The following MAD1L1 variants were observed in gnomAD, a reference collection of about 807,000 sequenced individuals.
MAD1L1 encodes mitotic arrest deficient 1 like 1, also known as mitotic spindle assembly checkpoint protein MAD1.
In MAD1L1, 95 loss-of-function variants were observed where a neutral mutation model predicts 96.9. That is an observed-to-expected ratio of 0.98 (90% CI 0.83 to 1.16). The LOEUF is 1.16. Among genes scored for constraint, MAD1L1 ranks in the 50% most tolerant of loss-of-function variants. The pLI is 0.00. For missense variants in MAD1L1, 1,007 were observed against 954.4 expected (o/e 1.06, Z -0.73); for synonymous variants, 473 against 396.6 (o/e 1.19, Z -2.29).
intron 14 of MAD1L1, among the ~76,000 whole-genome samples, chr7:1,997,827 A>AGGGC (rs906944612): frequency 1.3e-5 from 2 of 152,202 alleles, no homozygotes; most frequent in Non-Finnish European, 2.9e-5. Flanking sequence ...CCTCCTCTGA[A>AGGGC]GGGCTTTGCA....
chr7:2,171,687 T>C (rs921987819), intron 10 of MAD1L1, among the ~76,000 whole-genome samples: 11 of 149,874 alleles, frequency 7.3e-5, no homozygotes, highest in African/African-American at 2.5e-4. Flanking sequence ...ACCTCCGCCA[T>C]GCAAAGTACA....
Position 1,845,000 on chromosome 7 carries a change from GC to G in MAD1L1, c.1999-28773del, listed in dbSNP as rs1428700827. On this transcript the variant is annotated intron_variant, in intron 18 of 18. Transcript: ENST00000265854. ...AGGGGTGCGGGGAGGAGGGGCCTGA[GC>G]CCGAGGCTCCTGGACTCACAGTGGG... Among the ~76,000 whole-genome samples the G allele has an allele frequency of 3.3e-5, 5 of 152,320 alleles. 1 individual carries two copies. The highest frequency in any genetic ancestry group is 1.2e-4 in the African/African-American group (5 of 41,576).
At chr7:1,988,655 C>T (rs778971732) in intron 14 of MAD1L1, among the ~76,000 whole-genome samples, 26 of 152,210 alleles carry the variant, frequency 1.7e-4, no homozygotes, top group Non-Finnish European at 3.1e-4. Context: ...GTGGCCCAGG[C>T]GCACAGCGTG....
chr7:1,898,132 G>C (rs1486500516), intron 18 of MAD1L1, 68 bp downstream of exon 18: 1 of 1,491,108 alleles, frequency 6.7e-7, no homozygotes. Context: ...TGAGGGCTAC[G>C]GTCGGATCTC....
chr7:1,898,082 C>T, intron 18 of MAD1L1, 118 bp downstream of exon 18: 1 of 1,121,512 alleles, frequency 8.9e-7, no homozygotes, highest in Non-Finnish European at 1.3e-6. Context: ...CCGCCCAGCC[C>T]TCCACACCAT....
At chr7:1,922,069 G>C (rs1224593319) in intron 17 of MAD1L1, among the ~76,000 whole-genome samples, 1 of 152,242 alleles carries the variant, frequency 6.6e-6, no homozygotes, top group Non-Finnish European at 1.5e-5. Context: ...CTCTCCCTGA[G>C]GCAGCTCTGA....
chr7:1,909,125 C>A (rs932937508), intron 17 of MAD1L1, among the ~76,000 whole-genome samples: 1 of 152,238 alleles, frequency 6.6e-6, no homozygotes, highest in African/African-American at 2.4e-5. Flanking sequence ...AGCCCGACAC[C>A]GGCGTGGTGT....
intron 16 of MAD1L1, among the ~76,000 whole-genome samples, chr7:1,950,562 T>C (rs1197785284): frequency 1.3e-5 from 2 of 152,098 alleles, no homozygotes; most frequent in Non-Finnish European, 2.9e-5. Flanking sequence ...GTCAGAAGGG[T>C]TGGACAACAG....
chr7:2,153,638 G>A (rs996896685), intron 10 of MAD1L1, among the ~76,000 whole-genome samples: 1 of 152,186 alleles, frequency 6.6e-6, no homozygotes, highest in Non-Finnish European at 1.5e-5. Flanking sequence ...AACCCAGTAT[G>A]GAGATTTCTC....
chr7:2,148,252 C>A (rs771733755), intron 11 of MAD1L1: 2 of 152,464 alleles, frequency 1.3e-5, no homozygotes, highest in Non-Finnish European at 2.9e-5. Context: ...TGAGCTTGAT[C>A]ATCAATGGCA....
At chr7:2,066,806 A>T (rs1784893079) in intron 12 of MAD1L1, among the ~76,000 whole-genome samples, 1 of 152,258 alleles carries the variant, frequency 6.6e-6, no homozygotes, top group African/African-American at 2.4e-5. Flanking sequence ...TGTGGGCAGC[A>T]GCACCAGTGT....
At chr7:2,102,451 TGTC>T in intron 11 of MAD1L1, among the ~76,000 whole-genome samples, 1 of 78,510 alleles carries the variant, frequency 1.3e-5, no homozygotes, top group African/African-American at 4.1e-5. Context: ...CCACTGCTAC[TGTC>T]ACCACTCACC....
intron 10 of MAD1L1, among the ~76,000 whole-genome samples, chr7:2,208,928 A>G (rs1449578470): frequency 1.3e-5 from 2 of 151,886 alleles, no homozygotes; most frequent in Non-Finnish European, 2.9e-5. Flanking sequence ...CACGCCTCGC[A>G]CTGCTGCTAA....
intron 12 of MAD1L1, among the ~76,000 whole-genome samples, chr7:2,059,662 G>A (rs879674334): frequency 6.0e-5 from 9 of 151,006 alleles, no homozygotes; most frequent in Non-Finnish European, 8.9e-5. Flanking sequence ...CATGGCCAGG[G>A]GACAGGAGAG....
chr7:1,884,962 G>A (rs1298376017), intron 18 of MAD1L1, among the ~76,000 whole-genome samples: 2 of 152,212 alleles, frequency 1.3e-5, no homozygotes, highest in Non-Finnish European at 2.9e-5. Context: ...AATAGGCAAA[G>A]TTCATCTCAG....
At chr7:1,901,423 G>A (rs1270578951) in intron 17 of MAD1L1, among the ~76,000 whole-genome samples, 1 of 152,226 alleles carries the variant, frequency 6.6e-6, no homozygotes. Context: ...GACCCCAGAA[G>A]CCAGTGGCAG....
At chr7:1,997,926 G>C (rs554566181) in intron 14 of MAD1L1, among the ~76,000 whole-genome samples, 1 of 152,038 alleles carries the variant, frequency 6.6e-6, no homozygotes, top group Non-Finnish European at 1.5e-5. Flanking sequence ...CCAGGAACAG[G>C]AGCTCAACCC....
intron 17 of MAD1L1, among the ~76,000 whole-genome samples, chr7:1,907,782 C>A (rs1363305525): frequency 6.6e-6 from 1 of 152,266 alleles, no homozygotes; most frequent in Non-Finnish European, 1.5e-5. Flanking sequence ...CGTCAACAAC[C>A]ACTTGGCTGT....
At chr7:2,043,633 G>A (rs147138295) in intron 12 of MAD1L1, among the ~76,000 whole-genome samples, 1,957 of 152,298 alleles carry the variant, frequency 0.013, 31 homozygotes, top group African/African-American at 0.044. Flanking sequence ...GGAGGCACGC[G>A]GAGGGCCTGG....
Sources: allele counts gnomAD v4.1 joint callset (sites outside exome capture counted in the v4.1 genomes callset), GRCh38; gene constraint gnomAD v4.1.1; transcripts MANE v1.5; gene names NCBI Gene and HGNC (gene_info 2026-07-23, HGNC 2026-07-21).